The following SLC2A9 variants were observed in gnomAD, a reference collection of about 807,000 sequenced individuals.
SLC2A9 encodes the protein solute carrier family 2, facilitated glucose transporter member 9.
A neutral mutation model predicts 50.6 loss-of-function variants in SLC2A9; 39 were observed. The ratio of observed to expected loss-of-function variants is 0.77; its 90% CI spans 0.60 to 1.01. The LOEUF is 1.01. Among genes scored for constraint, SLC2A9 ranks in the 50% least tolerant of loss-of-function variants. The pLI is 0.00. For synonymous variants in SLC2A9, 324 were observed against 276.9 expected (o/e 1.17, Z -1.69); for missense variants, 686 against 677.6 (o/e 1.01, Z -0.14).
intron 10 of SLC2A9, chr4:9,879,624 C>CA: frequency 7.1e-6 from 7 of 985,358 alleles, no homozygotes; most frequent in Non-Finnish European, 8.4e-6. Flanking sequence ...CTGGGGTGCT[C>CA]AGACCTTAAT....
chr4:9,813,567 A>C (rs909285315), intron 3 of SLC2A9, among the ~76,000 whole-genome samples: 3 of 152,266 alleles, frequency 2.0e-5, no homozygotes, highest in African/African-American at 7.2e-5. Context: ...TGTAAGGAGC[A>C]CTTATGAGGT....
intron 3 of SLC2A9, among the ~76,000 whole-genome samples, chr4:9,814,317 CA>C (rs1443030154): frequency 6.6e-6 from 1 of 152,192 alleles, no homozygotes; most frequent in Admixed American, 6.5e-5. Flanking sequence ...TTACCTAGCA[CA>C]AGCATAAAGT....
At chr4:9,879,822 T>C (rs1253229395) in intron 10 of SLC2A9, 1 of 985,354 alleles carries the variant, frequency 1.0e-6, no homozygotes, top group Non-Finnish European at 1.2e-6. Context: ...GGTGAAGCTC[T>C]TTTATTTTGC....
At chr4:9,888,740 G>T (rs557403338) in intron 9 of SLC2A9, among the ~76,000 whole-genome samples, 1 of 152,288 alleles carries the variant, frequency 6.6e-6, no homozygotes, top group Non-Finnish European at 1.5e-5. Context: ...ACCATCGGCG[G>T]GGGGGTAAGC....
intron 1 of SLC2A9, 80 bp downstream of exon 1, chr4:10,021,200 T>G: frequency 6.8e-7 from 1 of 1,467,908 alleles, no homozygotes; most frequent in Non-Finnish European, 9.5e-7. Context: ...AGGCTGGGGC[T>G]GAGCACTGTC....
intron 11 of SLC2A9, among the ~76,000 whole-genome samples, chr4:9,831,233 C>G (rs74970122): frequency 1.3e-5 from 2 of 152,048 alleles, no homozygotes; most frequent in African/African-American, 4.8e-5. Flanking sequence ...GAAATTCATA[C>G]GTTGAGTCCT....
At chr4:9,803,910 T>C (rs1721794022) in intron 3 of SLC2A9, among the ~76,000 whole-genome samples, 1 of 152,212 alleles carries the variant, frequency 6.6e-6, no homozygotes, top group South Asian at 2.1e-4. Flanking sequence ...CCAAGATAGA[T>C]TGTGTTTTTG....
At chr4:9,784,898 A>G (rs1281715990) in intron 3 of SLC2A9, among the ~76,000 whole-genome samples, 3 of 152,358 alleles carry the variant, frequency 2.0e-5, no homozygotes, top group East Asian at 1.9e-4. Context: ...CTGTGCAGCC[A>G]TATCTTGATC....
At chr4:9,836,964 G>A (rs900788390) in intron 10 of SLC2A9, among the ~76,000 whole-genome samples, 1 of 152,186 alleles carries the variant, frequency 6.6e-6, no homozygotes, top group Non-Finnish European at 1.5e-5. Context: ...AGCCCAGGGT[G>A]ACAAAGCCAC....
At chr4:9,942,098 G>A in intron 5 of SLC2A9, 53 bp from the exon 6 acceptor site, 1 of 1,611,526 alleles carries the variant, frequency 6.2e-7, no homozygotes, top group Non-Finnish European at 8.5e-7. Context: ...CATTGTTGAG[G>A]GGACTGGGCC....
At chr4:9,819,885 G>A (rs1011148803) in intron 3 of SLC2A9, among the ~76,000 whole-genome samples, 5 of 151,962 alleles carry the variant, frequency 3.3e-5, no homozygotes, top group African/African-American at 1.2e-4. Flanking sequence ...GGTGAGCCGA[G>A]ATCACACCAC....
rs773908978 is a variant in SLC2A9 at position 9,908,357 on chromosome 4, G to A, written c.1003-12C>T. 3.9e-6 allele frequency: 6 copies of A among 1,554,286 alleles called. No individual in the cohort carries two copies. In the African/African-American group the frequency reaches 8.1e-5, roughly 21 times the overall value. Reference sequence around the variant, plus strand: ...GTATAGAACCAAATCTGTAATTCAGGAAAGAATGAGCAGAGAGAATGGTCA... The same window carrying A: ...GTATAGAACCAAATCTGTAATTCAGAAAAGAATGAGCAGAGAGAATGGTCA... On this transcript the variant is annotated splice_polypyrimidine_tract_variant and intron_variant, in intron 7 of 11. Coordinates refer to ENST00000264784, the MANE Select transcript of SLC2A9 (RefSeq NM_020041.3).
In SLC2A9 at chr4:10,018,227, G is replaced by C. The variant is rs28607048; in HGVS notation, c.249+748C>G. ...TGGGTCTTATCCAGCAGATACCTGA[G>C]TGGCCTCTGGTTGTAATTTAAAGTC... On this transcript the variant is annotated intron_variant, in intron 2 of 11. Transcript: ENST00000264784. Among the ~76,000 whole-genome samples the C allele has an allele frequency of 9.2e-3, 1,407 of 152,324 alleles. 13 individuals are homozygous for C. The highest frequency in any genetic ancestry group is 0.044 in the Middle Eastern group (13 of 294).
At chr4:9,916,008 C>G (rs1742789718) in intron 7 of SLC2A9, among the ~76,000 whole-genome samples, 1 of 152,306 alleles carries the variant, frequency 6.6e-6, no homozygotes, top group Admixed American at 6.5e-5. Flanking sequence ...GAAAGTACCA[C>G]AGTTTTCTGT....
intron 2 of SLC2A9, among the ~76,000 whole-genome samples, chr4:10,008,580 G>A (rs568844336): frequency 1.3e-4 from 20 of 152,302 alleles, no homozygotes; most frequent in African/African-American, 4.8e-4. Flanking sequence ...GCATAGAAAG[G>A]TGCTTACAAA....
chr4:9,945,654 T>C (rs1122141), intron 5 of SLC2A9, among the ~76,000 whole-genome samples: 86,225 of 151,920 alleles, frequency 0.57, 25,828 homozygotes, highest in African/African-American at 0.77. Context: ...GGAGGAGCCA[T>C]CAGACCACCA....
intron 6 of SLC2A9, 92 bp downstream of exon 6, chr4:9,941,821 C>G (rs1748185319): frequency 1.3e-6 from 2 of 1,567,474 alleles, no homozygotes; most frequent in South Asian, 2.3e-5. Context: ...GACAACACCC[C>G]TTCCTGTGCC....
chr4:9,921,896 T>C (rs1294866432), intron 6 of SLC2A9, among the ~76,000 whole-genome samples: 1 of 152,210 alleles, frequency 6.6e-6, no homozygotes, highest in Non-Finnish European at 1.5e-5. Context: ...TTTTCCATTA[T>C]AAAATAAGGA....
intron 3 of SLC2A9, among the ~76,000 whole-genome samples, chr4:9,810,600 CA>C (rs1008364561): frequency 1.3e-5 from 2 of 152,144 alleles, no homozygotes; most frequent in African/African-American, 4.8e-5. Flanking sequence ...ATTTTTGCTG[CA>C]AAAATAGTAT....
Sources: gnomAD v4.1 joint callset for allele counts (sites outside exome capture counted in the v4.1 genomes callset) on GRCh38, gnomAD v4.1.1 for gene constraint, MANE v1.5 for transcripts, NCBI Gene and HGNC (gene_info 2026-07-23, HGNC 2026-07-21) for gene names.